The following GABRB1 variants were observed in gnomAD, a reference collection of about 807,000 sequenced individuals.
GABRB1 encodes gamma-aminobutyric acid type A receptor subunit beta1.
GABRB1 carries 17 observed loss-of-function variants against 51.6 expected under a neutral mutation model. The ratio of observed to expected loss-of-function variants is 0.33; its 90% confidence interval spans 0.23 to 0.49. The LOEUF is 0.49. Among genes scored for constraint, GABRB1 ranks in the 20% least tolerant of loss-of-function variants. The probability of loss-of-function intolerance (pLI) is 0.99; values close to 1 mark genes in which losing one functional copy is unlikely to be tolerated. For synonymous variants in GABRB1, 247 were observed against 218.9 expected, an observed-to-expected ratio of 1.13 and a Z score of -1.14; for missense variants, 410 against 600.6, an observed-to-expected ratio of 0.68 and a Z score of 3.32.
chr4:47,408,786 G>A (rs1371878617), intron 8 of GABRB1, among the ~76,000 whole-genome samples: 1 of 152,120 alleles, frequency 6.6e-6, no homozygotes, highest in African/African-American at 2.4e-5. Context: ...CCTCATCTCA[G>A]TTGCCTTCAA....
intron 3 of GABRB1, among the ~76,000 whole-genome samples, chr4:47,064,518 A>G (rs1343055186): frequency 2.0e-5 from 3 of 151,810 alleles, no homozygotes; most frequent in Non-Finnish European, 2.9e-5. Flanking sequence ...CATGCCTGTA[A>G]TCCCAGCTAC....
rs1480457810 is a variant in GABRB1, at chr4:47,297,009, A to G, written c.462-23118A>G. 2.0e-5 allele frequency among the ~76,000 whole-genome samples: 3 copies of G among 152,302 alleles called. No homozygotes were observed. In the South Asian group the frequency reaches 6.2e-4, roughly 32 times the overall value. On this transcript the variant is annotated intron_variant, in intron 4 of 8. Transcript: ENST00000295454. ...CTGAACAACCTGCTCCTGAATGACT[A>G]CTGGGTACATAATGAAATGAAGGCA...
chr4:47,384,643 A>G (rs1284091334), intron 5 of GABRB1, among the ~76,000 whole-genome samples: 1 of 152,196 alleles, frequency 6.6e-6, no homozygotes, highest in East Asian at 1.9e-4. Flanking sequence ...CTGGGGTTTC[A>G]GGCCAAGAAT....
chr4:47,067,116 A>G (rs1233739037), intron 3 of GABRB1, among the ~76,000 whole-genome samples: 4 of 152,188 alleles, frequency 2.6e-5, no homozygotes, highest in East Asian at 1.9e-4. Flanking sequence ...GAACAGTGCT[A>G]TCTTGAAAGG....
intron 4 of GABRB1, among the ~76,000 whole-genome samples, chr4:47,246,327 C>CATAT (rs1721743398): frequency 3.4e-5 from 2 of 58,580 alleles, no homozygotes; most frequent in Non-Finnish European, 6.7e-5. Flanking sequence ...CACACACACA[C>CATAT]ACATATGTAC....
intron 4 of GABRB1, among the ~76,000 whole-genome samples, chr4:47,231,091 T>C (rs1721124620): frequency 6.6e-6 from 1 of 152,160 alleles, no homozygotes; most frequent in Admixed American, 6.6e-5. Flanking sequence ...AAGCAAAAAT[T>C]CCTGAGTCCC....
intron 3 of GABRB1, among the ~76,000 whole-genome samples, chr4:47,128,493 T>A (rs889482973): frequency 2.0e-5 from 3 of 151,926 alleles, no homozygotes; most frequent in African/African-American, 7.2e-5. Context: ...AGGAAAGATA[T>A]TACTTCATGT....
chr4:47,241,053 C>T (rs541581644), intron 4 of GABRB1, among the ~76,000 whole-genome samples: 2 of 152,228 alleles, frequency 1.3e-5, no homozygotes, highest in Admixed American at 6.5e-5. Context: ...CATTTCCTTT[C>T]CAGATCAGTT....
At chr4:47,320,292 A>G in intron 5 of GABRB1, 83 bp downstream of exon 5, 1 of 894,970 alleles carries the variant, frequency 1.1e-6, no homozygotes. Context: ...GTTAATTAGC[A>G]CCAGGATTTT....
intron 4 of GABRB1, among the ~76,000 whole-genome samples, chr4:47,267,561 G>T (rs568057778): frequency 1.3e-5 from 2 of 152,022 alleles, no homozygotes; most frequent in Non-Finnish European, 2.9e-5. Flanking sequence ...TTGTGAGGCC[G>T]AGGCAGGCGG....
chr4:47,128,197 T>C (rs1029282597), intron 3 of GABRB1, among the ~76,000 whole-genome samples: 2 of 151,724 alleles, frequency 1.3e-5, no homozygotes, highest in Non-Finnish European at 3.0e-5. Flanking sequence ...TTGGACTAAA[T>C]TAAAATAAAC....
chr4:47,036,720 G>A (rs1725585864), intron 3 of GABRB1, among the ~76,000 whole-genome samples: 1 of 152,002 alleles, frequency 6.6e-6, no homozygotes, highest in South Asian at 2.1e-4. Context: ...AAATTAGCTG[G>A]GTGTGATGGT....
intron 5 of GABRB1, among the ~76,000 whole-genome samples, chr4:47,326,596 A>G (rs764077998): frequency 3.3e-5 from 5 of 152,154 alleles, no homozygotes; most frequent in Non-Finnish European, 5.9e-5. Context: ...GGGTCTTGGA[A>G]TATATCTCCT....
chr4:47,218,324 T>C (rs759782055), intron 4 of GABRB1, among the ~76,000 whole-genome samples: 6 of 151,842 alleles, frequency 4.0e-5, no homozygotes, highest in Non-Finnish European at 8.8e-5. Context: ...CTTTGATATA[T>C]TGATTTTATT....
At chr4:47,001,394 G>A (rs1221472491) in intron 1 of GABRB1, among the ~76,000 whole-genome samples, 1 of 152,072 alleles carries the variant, frequency 6.6e-6, no homozygotes, top group Non-Finnish European at 1.5e-5. Context: ...CTCCCGCCTT[G>A]GCCTCCCAAA....
intron 1 of GABRB1, among the ~76,000 whole-genome samples, chr4:47,015,729 G>GT (rs1487123773): frequency 2.6e-5 from 4 of 152,190 alleles, no homozygotes; most frequent in African/African-American, 9.7e-5. Context: ...GCATGAGCCT[G>GT]TTTTACATGT....
At chr4:47,325,365 G>A (rs1338240964) in intron 5 of GABRB1, among the ~76,000 whole-genome samples, 2 of 151,224 alleles carry the variant, frequency 1.3e-5, no homozygotes, top group African/African-American at 2.4e-5. Flanking sequence ...AACTTGGGAG[G>A]CAGAGGTTGC....
chr4:47,156,223 T>G (rs563124143), intron 3 of GABRB1, among the ~76,000 whole-genome samples: 5 of 152,040 alleles, frequency 3.3e-5, no homozygotes, highest in African/African-American at 1.2e-4. Context: ...TCCTTTCCAG[T>G]ATCCATTACT....
chr4:47,238,006 G>A (rs1262461601), intron 4 of GABRB1, among the ~76,000 whole-genome samples: 1 of 151,518 alleles, frequency 6.6e-6, no homozygotes, highest in Non-Finnish European at 1.5e-5. Context: ...ATTTTGCATT[G>A]CAATAAATAA....
Sources: gnomAD v4.1 joint callset for allele counts (sites outside exome capture counted in the v4.1 genomes callset) on GRCh38, gnomAD v4.1.1 for gene constraint, MANE v1.5 for transcripts, NCBI Gene and HGNC (gene_info 2026-07-23, HGNC 2026-07-21) for gene names.